Variants in NPAS2 observed in about 807,000 individuals in gnomAD.
NPAS2 encodes neuronal PAS domain-containing protein 2.
Under a neutral mutation model 107.5 loss-of-function variants are expected in NPAS2, and 23 were observed. The observed-to-expected ratio is 0.21, with a 90% confidence interval of 0.15 to 0.30. NPAS2 has a LOEUF of 0.30. Among genes scored for constraint, NPAS2 ranks in the 10% least tolerant of loss-of-function variants. The pLI is 1.00. For synonymous variants in NPAS2, 403 were observed against 417.5 expected, an observed-to-expected ratio of 0.97 and a Z score of 0.42; for missense variants, 756 against 1,043.3, an observed-to-expected ratio of 0.72 and a Z score of 3.79.
intron 1 of NPAS2, among the ~76,000 whole-genome samples, chr2:100,841,676 TACATACACAC>T (rs1558797826): frequency 6.6e-6 from 1 of 151,994 alleles, no homozygotes; most frequent in Non-Finnish European, 1.5e-5. Context: ...TACACACACA[TACATACACAC>T]ACAAATACAT....
intron 1 of NPAS2, among the ~76,000 whole-genome samples, chr2:100,836,887 A>C (rs1677106030): frequency 6.6e-6 from 1 of 152,210 alleles, no homozygotes; most frequent in African/African-American, 2.4e-5. Flanking sequence ...TGAAAAGAAC[A>C]TGAGATGAGG....
rs1357884318 is a variant in NPAS2 at position 100,932,892 on chromosome 2, T to C, written c.182-18T>C. 4 of 1,585,490 alleles carry C rather than the reference T, an allele frequency of 2.5e-6. No homozygotes were observed. Among genetic ancestry groups the C allele is most frequent in the East Asian group, 2.2e-5 (1 of 44,738 alleles). On this transcript the variant is annotated intron_variant, in intron 3 of 20. Coordinates refer to ENST00000335681, the MANE Select transcript of NPAS2 (RefSeq NM_002518.4). ...AGGTGCCATTGAATATAAAGGCTTATTTGTGTCTCTTTTCTAGAAGTCTCA... is the reference window on the plus strand; with the variant it reads ...AGGTGCCATTGAATATAAAGGCTTACTTGTGTCTCTTTTCTAGAAGTCTCA...
chr2:100,897,568 G>C (rs1285324430), intron 1 of NPAS2, among the ~76,000 whole-genome samples: 1 of 152,086 alleles, frequency 6.6e-6, no homozygotes, highest in Non-Finnish European at 1.5e-5. Context: ...CTTGCTGTCT[G>C]GGGGAGGCAC....
At chr2:100,850,154 A>T in intron 1 of NPAS2, among the ~76,000 whole-genome samples, 1 of 152,288 alleles carries the variant, frequency 6.6e-6, no homozygotes, top group Non-Finnish European at 1.5e-5. Context: ...TACTTCATAA[A>T]AGGTAATCAA....
chr2:100,985,075 A>T (rs559032192), intron 16 of NPAS2: 1 of 152,274 alleles, frequency 6.6e-6, no homozygotes, highest in East Asian at 1.9e-4. Flanking sequence ...CTAGAAGGAC[A>T]CCTGTAGCAA....
chr2:100,938,831 CA>C (rs1182377855), intron 5 of NPAS2, among the ~76,000 whole-genome samples: 1 of 152,032 alleles, frequency 6.6e-6, no homozygotes, highest in Non-Finnish European at 1.5e-5. Context: ...GTGTGATGGA[CA>C]AGAAAAAAAC....
chr2:100,904,260 C>T (rs1193712483), intron 1 of NPAS2, among the ~76,000 whole-genome samples: 3 of 152,292 alleles, frequency 2.0e-5, no homozygotes, highest in African/African-American at 7.2e-5. Flanking sequence ...CTGGGAGGTG[C>T]GTGCGACCTA....
intron 1 of NPAS2, among the ~76,000 whole-genome samples, chr2:100,902,656 T>C (rs925510080): frequency 6.6e-6 from 1 of 152,236 alleles, no homozygotes; most frequent in Non-Finnish European, 1.5e-5. Context: ...ACAGTATGAA[T>C]GTGCTTAATG....
chr2:100,974,989 C>T (rs2105228888), intron 13 of NPAS2, 45 bp downstream of exon 13: 2 of 1,604,034 alleles, frequency 1.2e-6, no homozygotes, highest in Non-Finnish European at 1.7e-6. Context: ...CCACATCAGA[C>T]CAGAGGGACA....
At chr2:100,923,520 C>T (rs1252439876) in intron 2 of NPAS2, among the ~76,000 whole-genome samples, 2 of 152,116 alleles carry the variant, frequency 1.3e-5, no homozygotes, top group Non-Finnish European at 2.9e-5. Flanking sequence ...ATACTGTTAC[C>T]TATAGATACT....
chr2:100,853,777 T>C (rs969998598), intron 1 of NPAS2, among the ~76,000 whole-genome samples: 2 of 152,034 alleles, frequency 1.3e-5, no homozygotes, highest in Admixed American at 1.3e-4. Context: ...CCGTTCAGCC[T>C]TCTGGCACAC....
intron 15 of NPAS2, among the ~76,000 whole-genome samples, chr2:100,981,288 G>A (rs1202708555): frequency 6.6e-6 from 1 of 152,106 alleles, no homozygotes; most frequent in Non-Finnish European, 1.5e-5. Flanking sequence ...TGAGGGAGTG[G>A]AGGTTAAATC....
intron 4 of NPAS2, among the ~76,000 whole-genome samples, chr2:100,935,397 G>T (rs1163147289): frequency 1.3e-5 from 2 of 152,130 alleles, no homozygotes; most frequent in Non-Finnish European, 1.5e-5. Flanking sequence ...TGGCACCTTT[G>T]GAAACACCCC....
intron 2 of NPAS2, among the ~76,000 whole-genome samples, chr2:100,923,927 C>G (rs528132294): frequency 1.3e-5 from 2 of 152,140 alleles, no homozygotes; most frequent in Non-Finnish European, 2.9e-5. Context: ...TAGAGCATTC[C>G]TGAGAGCCAC....
In NPAS2 at chr2:100,820,745, A is replaced by T. The variant is rs1040752392; in HGVS notation, c.-23+331A>T. Among the ~76,000 whole-genome samples the T allele has an allele frequency of 3.9e-5, 6 of 152,114 alleles. No homozygotes were observed. Among genetic ancestry groups the T allele is most frequent in the Admixed American group, 1.3e-4 (2 of 15,292 alleles). Reference sequence around the variant, plus strand: ...GTCCTCGGGGTGTCCGACAGGGTGGAGAAGGATCGTGCCCCAGGGCAACAG... The same window carrying T: ...GTCCTCGGGGTGTCCGACAGGGTGGTGAAGGATCGTGCCCCAGGGCAACAG... On this transcript the variant is annotated intron_variant, in intron 1 of 20. Transcript: ENST00000335681. This position sits in a 1 kb window ranked among gnomAD's most constrained non-coding sequence, Gnocchi z 5.6.
intron 15 of NPAS2, among the ~76,000 whole-genome samples, chr2:100,978,970 T>C (rs1412944878): frequency 6.6e-6 from 1 of 152,216 alleles, no homozygotes; most frequent in Admixed American, 6.5e-5. Context: ...GACTTAGCTC[T>C]GCCCAGACCA....
chr2:100,901,067 T>C (rs936810377), intron 1 of NPAS2, among the ~76,000 whole-genome samples: 8 of 152,132 alleles, frequency 5.3e-5, no homozygotes, highest in Admixed American at 3.9e-4. Context: ...CATTTATTAA[T>C]TGGAATCTTC....
At chr2:100,926,950 T>TTC (rs1683609707) in intron 3 of NPAS2, among the ~76,000 whole-genome samples, 1 of 146,860 alleles carries the variant, frequency 6.8e-6, no homozygotes, top group African/African-American at 2.6e-5. Context: ...TCTTTTTTTT[T>TTC]TTTTTTTTGA....
intron 1 of NPAS2, among the ~76,000 whole-genome samples, chr2:100,873,631 A>G (rs1193102567): frequency 6.6e-6 from 1 of 152,024 alleles, no homozygotes; most frequent in Non-Finnish European, 1.5e-5. Context: ...TTTTGTTGAA[A>G]CACCATTTCA....
Sources: allele counts gnomAD v4.1 joint callset (sites outside exome capture counted in the v4.1 genomes callset), GRCh38; gene constraint gnomAD v4.1.1; non-coding constraint Gnocchi (gnomAD v3.1); transcripts MANE v1.5; gene names NCBI Gene and HGNC (gene_info 2026-07-23, HGNC 2026-07-21).